Variants in SLIT1 observed in about 807,000 individuals in gnomAD.
The protein encoded by SLIT1 is slit homolog 1 protein.
Under a neutral mutation model 186.1 loss-of-function variants are expected in SLIT1, and 66 were observed. That is an observed-to-expected ratio of 0.35 (90% CI 0.29 to 0.44). SLIT1 has a LOEUF of 0.44. SLIT1 is among the 20% of genes least tolerant of loss of function. The pLI is 1.00. For synonymous variants in SLIT1, 761 were observed against 833.8 expected (o/e 0.91, Z 1.50); for missense variants, 1,638 against 2,037.4 (o/e 0.80, Z 3.77).
chr10:97,004,567 T>A lies in SLIT1; in HGVS notation c.3710+126A>T. ...CTGGGGCTAACCCAGATGGTTCAAG[T>A]GTCCTTCAAACTCAGGCAGCCCAGG... On this transcript the variant is annotated intron_variant, in intron 33 of 36. Transcript: ENST00000266058. This position sits in a 1 kb window ranked among gnomAD's most constrained non-coding sequence, Gnocchi z 5.1. The A allele has an allele frequency of 8.7e-7, 1 of 1,152,908 alleles. No individual in the cohort carries two copies. Among genetic ancestry groups the A allele is most frequent in the Non-Finnish European group, 1.3e-6 (1 of 788,208 alleles). 71.4% of individuals were successfully genotyped at this position (1,152,908 alleles called of 1,614,324 possible).
intron 4 of SLIT1, among the ~76,000 whole-genome samples, chr10:97,111,808 C>T (rs1319497284): frequency 6.6e-6 from 1 of 152,168 alleles, no homozygotes; most frequent in Non-Finnish European, 1.5e-5. Flanking sequence ...ACCCAGATGG[C>T]CCACCACCCT....
intron 4 of SLIT1, 54 bp downstream of exon 4, chr10:97,157,764 A>T (rs1849969985): frequency 7.4e-7 from 1 of 1,345,998 alleles, no homozygotes; most frequent in Non-Finnish European, 1.1e-6. Context: ...TGCCTCCCAC[A>T]GGGTGAGAGA....
chr10:97,141,771 C>CGTACTGTATTGTATT (rs1198693441), intron 4 of SLIT1, among the ~76,000 whole-genome samples: 23 of 146,338 alleles, frequency 1.6e-4, no homozygotes, highest in East Asian at 1.0e-3. Context: ...CGTATTGTAT[C>CGTACTGTATTGTATT]GTACTGTATT....
At chr10:97,118,182 C>T (rs1849525756) in intron 4 of SLIT1, among the ~76,000 whole-genome samples, 1 of 152,146 alleles carries the variant, frequency 6.6e-6, no homozygotes, top group African/African-American at 2.4e-5. Context: ...TTTACAAGGA[C>T]TATATGGTAT....
chr10:97,159,020 C>T (rs1242790436), intron 3 of SLIT1, among the ~76,000 whole-genome samples: 1 of 152,060 alleles, frequency 6.6e-6, no homozygotes, highest in Non-Finnish European at 1.5e-5. Flanking sequence ...GTCATCTCTA[C>T]AAAAAATACA....
At chr10:97,151,385 A>G (rs1336997388) in intron 4 of SLIT1, among the ~76,000 whole-genome samples, 1 of 135,178 alleles carries the variant, frequency 7.4e-6, no homozygotes, top group Admixed American at 7.3e-5. Context: ...TGGGGGTGGG[A>G]GAGTGGATGG....
intron 28 of SLIT1, among the ~76,000 whole-genome samples, chr10:97,015,259 CA>C (rs1413635424): frequency 7.9e-5 from 12 of 152,088 alleles, no homozygotes; most frequent in Admixed American, 7.9e-4. Context: ...TTCCAGGTGC[CA>C]AATAAATGGG....
At chr10:97,037,584 G>T in intron 22 of SLIT1, 114 bp downstream of exon 22, 1 of 799,050 alleles carries the variant, frequency 1.3e-6, no homozygotes, top group Non-Finnish European at 2.1e-6. Context: ...GCAGGGAAAG[G>T]AAAAGAAGCA....
chr10:97,166,569 G>GAGAGAGAGAA lies in SLIT1; in HGVS notation c.198-1680_198-1679insTTCTCTCTCT, dbSNP rs1444883867. ...AAGGAAGGAAGGAAAGAGAGAGAGA[G>GAGAGAGAGAA]AGAAAGAAAGAAAGAAAGAAAGAAA... On this transcript the variant is annotated intron_variant, in intron 1 of 36. Coordinates refer to ENST00000266058, the MANE Select transcript of SLIT1 (RefSeq NM_003061.3). Among the ~76,000 whole-genome samples the GAGAGAGAGAA allele has an allele frequency of 8.5e-5, 5 of 58,962 alleles. No homozygotes were observed. In the East Asian group the frequency reaches 1.1e-3, roughly 13 times the overall value. 38.7% of individuals were successfully genotyped at this position (58,962 alleles called of 152,430 possible).
At position 97,068,905 on chromosome 10, in the gene SLIT1, G is replaced by A. The variant is rs1589381316; in HGVS notation, c.414-2819C>T. On this transcript the variant is annotated intron_variant, in intron 4 of 36. Coordinates refer to ENST00000266058, the MANE Select transcript of SLIT1 (RefSeq NM_003061.3). The surrounding 1 kb of genome is among the most constrained non-coding windows in gnomAD (Gnocchi z 4.2). ...CAACTCCCCCAGCCCCATATGTCTT[G>A]AGAGGCTCATTTCAGTCTTTGCCTG... Among the ~76,000 whole-genome samples the A allele has an allele frequency of 6.6e-6, 1 of 152,178 alleles. No homozygotes were observed. The highest frequency in any genetic ancestry group is 2.4e-5 in the African/African-American group (1 of 41,420).
chr10:97,163,885 G>T (rs1850066088), intron 2 of SLIT1, among the ~76,000 whole-genome samples: 1 of 152,242 alleles, frequency 6.6e-6, no homozygotes, highest in South Asian at 2.1e-4. Context: ...ATGTCCAAGG[G>T]ACAGAACGGG....
intron 21 of SLIT1, among the ~76,000 whole-genome samples, chr10:97,038,804 C>T (rs566459708): frequency 6.6e-4 from 100 of 152,326 alleles, no homozygotes; most frequent in African/African-American, 2.0e-3. Flanking sequence ...CCACCCATCT[C>T]GTTTGATCCT....
chr10:97,039,663 G>A (rs1848673071), intron 21 of SLIT1, among the ~76,000 whole-genome samples: 2 of 152,248 alleles, frequency 1.3e-5, no homozygotes, highest in Admixed American at 6.5e-5. Flanking sequence ...AATCACATTT[G>A]TGTCTTCATG....
intron 4 of SLIT1, among the ~76,000 whole-genome samples, chr10:97,115,412 C>T (rs1849500276): frequency 6.6e-6 from 1 of 152,200 alleles, no homozygotes; most frequent in African/African-American, 2.4e-5. Flanking sequence ...CTCTCAGCAG[C>T]TCTGGAGACC....
intron 4 of SLIT1, among the ~76,000 whole-genome samples, chr10:97,093,437 A>G (rs1274516347): frequency 6.6e-6 from 1 of 152,144 alleles, no homozygotes; most frequent in Non-Finnish European, 1.5e-5. Flanking sequence ...TTCCAGAAAA[A>G]TCTCTTTGAA....
chr10:97,152,509 C>T (rs1400859773), intron 4 of SLIT1, among the ~76,000 whole-genome samples: 6 of 152,310 alleles, frequency 3.9e-5, no homozygotes, highest in African/African-American at 1.4e-4. Flanking sequence ...AGTGTCACAG[C>T]TCTCTTTAAT....
Position 97,003,984 on chromosome 10 carries a change from C to T in SLIT1, c.3865+84G>A, listed in dbSNP as rs527727075. 1.1e-5 allele frequency: 14 copies of T among 1,261,510 alleles called. No individual in the cohort carries two copies. In the Admixed American group the frequency reaches 3.1e-4, roughly 28 times the overall value. The allele number at this position is 1,261,510 out of a possible 1,614,324, so 78.1% of individuals were successfully genotyped here. On this transcript the variant is annotated intron_variant, in intron 34 of 36. Transcript: ENST00000266058. ...GATCATCTTCCCACTTGGCATTTCC[C>T]ACAGTGCAGTCCCTAGGCACCAGCT... is the stretch of plus-strand genomic sequence containing the variant.
intron 1 of SLIT1, among the ~76,000 whole-genome samples, chr10:97,166,603 G>GAA (rs1850118363): frequency 1.5e-5 from 1 of 68,336 alleles, no homozygotes; most frequent in Non-Finnish European, 3.0e-5. Context: ...AAGAAAGAAA[G>GAA]AAAGAAAGAA....
chr10:97,027,597 T>C (rs7896883), intron 25 of SLIT1, among the ~76,000 whole-genome samples: 62,123 of 152,162 alleles, frequency 0.41, 18,233 homozygotes, highest in African/African-American at 0.82. Context: ...CTACAAGTAC[T>C]GCTAACCTGA....
Sources: gnomAD v4.1 joint callset for allele counts (sites outside exome capture counted in the v4.1 genomes callset) on GRCh38, gnomAD v4.1.1 for gene constraint, Gnocchi (gnomAD v3.1) non-coding constraint, MANE v1.5 for transcripts, NCBI Gene and HGNC (gene_info 2026-07-23, HGNC 2026-07-21) for gene names.